The following TNRC18 variants were observed in gnomAD, a reference collection of about 807,000 sequenced individuals.
TNRC18 encodes the protein trinucleotide repeat-containing gene 18 protein.
TNRC18 carries 69 observed loss-of-function variants against 226.7 expected under a neutral mutation model. The observed-to-expected ratio is 0.30, with a 90% CI of 0.25 to 0.37. TNRC18 has a LOEUF of 0.37. TNRC18 is among the 10% of genes least tolerant of loss of function. The pLI, the probability that TNRC18 is intolerant of heterozygous loss-of-function variation, is 1.00. For synonymous variants in TNRC18, 2,449 were observed against 1,927.6 expected (o/e 1.27, Z -7.09); for missense variants, 4,754 against 4,256.6 (o/e 1.12, Z -3.25).
At chr7:5,335,364 C>G (rs1255024512) in intron 18 of TNRC18, among the ~76,000 whole-genome samples, 1 of 147,422 alleles carries the variant, frequency 6.8e-6, no homozygotes, top group Non-Finnish European at 1.5e-5. Flanking sequence ...AATCTCAACA[C>G]TTTGGGAGGC....
intron 2 of TNRC18, among the ~76,000 whole-genome samples, chr7:5,396,324 G>A (rs980736513): frequency 1.3e-5 from 2 of 152,118 alleles, no homozygotes; most frequent in Admixed American, 6.6e-5. Flanking sequence ...CTCCCGCCTG[G>A]GCAACAGAGT....
At chr7:5,321,014 C>A in intron 22 of TNRC18, 59 bp downstream of exon 22, 1 of 1,264,266 alleles carries the variant, frequency 7.9e-7, no homozygotes, top group South Asian at 1.4e-5. Flanking sequence ...CAGAGGCGGC[C>A]GGGACACGGG....
In TNRC18 at chr7:5,370,678, G is replaced by A. The variant is rs1461040487; in HGVS notation, c.3916C>T (p.Pro1306Ser). The part of the protein sequence containing the change: ...CDVPAGEGQC[P>S]SLEPQEAVPV... ...ACGGCCTCTTGGGGCTCCAGGCTCGGGCACTGTCCCTCCCCGGCGGGCACG... is the reference window on the plus strand; with the variant it reads ...ACGGCCTCTTGGGGCTCCAGGCTCGAGCACTGTCCCTCCCCGGCGGGCACG... The change falls in exon 11 of 30, where the codon CCG (proline) becomes TCG (serine). Residue 1306 changes from proline to serine, a missense_variant. Transcript: ENST00000430969. The A allele has an allele frequency of 1.2e-6, 2 of 1,612,502 alleles. No individual in the cohort carries two copies. The highest frequency in any genetic ancestry group is 4.5e-5 in the East Asian group (2 of 44,858).
chr7:5,410,884 A>AG (rs1335353334), intron 2 of TNRC18, among the ~76,000 whole-genome samples: 25 of 146,658 alleles, frequency 1.7e-4, no homozygotes, highest in Non-Finnish European at 2.7e-4. Context: ...AAAAAAAAAA[A>AG]GGGAAGAGAA....
chr7:5,355,277 CTT>C (rs10537428), intron 16 of TNRC18, among the ~76,000 whole-genome samples: 20,574 of 152,236 alleles, frequency 0.14, 1,792 homozygotes, highest in African/African-American at 0.24. Flanking sequence ...CTGACAGTCT[CTT>C]GTTAAATGAG....
intron 19 of TNRC18, among the ~76,000 whole-genome samples, chr7:5,330,791 A>C (rs1402498889): frequency 6.6e-6 from 1 of 152,128 alleles, no homozygotes; most frequent in Non-Finnish European, 1.5e-5. Context: ...CTCCTGCCTC[A>C]GCCTCCTGAG....
At position 5,357,054 on chromosome 7, in the gene TNRC18, G is replaced by T; in HGVS notation, c.5056C>A (p.Leu1686Met). ...CCTTCTCTGGAGGATTTCAGAGACA[G>T]GCCGAGGCCCTTGGCCAGCGCCTTC... ...NRKALAKGLG[L>M]SLKSSREGKH... is the part of the protein sequence containing the mutation. The change falls in exon 16 of 30, where the codon CTG (leucine) becomes ATG (methionine). Residue 1686 changes from leucine to methionine, a missense_variant. By Grantham distance (15) the Leu-to-Met change is conservative. Transcript: ENST00000430969. 1 of 1,552,244 alleles carries T rather than the reference G, an allele frequency of 6.4e-7. No homozygotes were observed. The highest frequency in any genetic ancestry group is 8.7e-7 in the Non-Finnish European group (1 of 1,147,120).
At position 5,409,060 on chromosome 7, in the gene TNRC18, T is replaced by C. The variant is rs116217882; in HGVS notation, c.187+12000A>G. 3.1e-3 allele frequency among the ~76,000 whole-genome samples: 476 copies of C among 152,208 alleles called. 6 individuals carry two copies. The highest frequency in any genetic ancestry group is 0.011 in the African/African-American group (440 of 41,530). On this transcript the variant is annotated intron_variant, in intron 2 of 29. Coordinates refer to ENST00000430969, the MANE Select transcript of TNRC18 (RefSeq NM_001080495.3). Reference sequence around the variant, plus strand: ...CCGCTGAATTCTTGCCTGTGAGATATACAAGGTCAACAAGGAAAGATCTTT... The same window carrying C: ...CCGCTGAATTCTTGCCTGTGAGATACACAAGGTCAACAAGGAAAGATCTTT...
intron 17 of TNRC18, among the ~76,000 whole-genome samples, chr7:5,348,654 G>GGGAGGGAGGGAGGGAGGCAGGAGCC: frequency 6.6e-6 from 1 of 152,002 alleles, no homozygotes; most frequent in Non-Finnish European, 1.5e-5. Flanking sequence ...AGTAGAGGGA[G>GGGAGGGAGGGAGGGAGGCAGGAGCC]GGAGGGAGGG....
At chr7:5,420,273 G>A (rs1782470629) in intron 2 of TNRC18, 10 of 410,098 alleles carry the variant, frequency 2.4e-5, no homozygotes, top group South Asian at 1.7e-4. Context: ...CTCGATGTGA[G>A]ACCCAGGGTT....
intron 2 of TNRC18, among the ~76,000 whole-genome samples, chr7:5,397,646 G>A (rs116476233): frequency 0.013 from 1,980 of 152,242 alleles, 46 homozygotes; most frequent in African/African-American, 0.045. Context: ...CCCTGGTCAC[G>A]TCAGGAGCCT....
chr7:5,358,942 A>G (rs1375021659), intron 15 of TNRC18, among the ~76,000 whole-genome samples: 3 of 152,242 alleles, frequency 2.0e-5, no homozygotes, highest in Admixed American at 6.5e-5. Context: ...AAATAAGAAG[A>G]ATCAAGGAGT....
intron 2 of TNRC18, among the ~76,000 whole-genome samples, chr7:5,403,866 G>C (rs1486751803): frequency 1.3e-5 from 2 of 151,526 alleles, no homozygotes; most frequent in Non-Finnish European, 2.9e-5. Context: ...AGTCAAACCA[G>C]AATTGTCACC....
Position 5,370,931 on chromosome 7 carries a change from G to C in TNRC18, c.3663C>G (p.Asp1221Glu), listed in dbSNP as rs774417190. ...QSCAEPSECP[D>E]FVEGPEPRVD... Reference sequence around the variant, plus strand: ...CCCGTGGTTCAGGCCCCTCCACAAAGTCTGGACACTCAGAGGGCTCTGCGC... The same window carrying C: ...CCCGTGGTTCAGGCCCCTCCACAAACTCTGGACACTCAGAGGGCTCTGCGC... The change falls in exon 11 of 30, where the codon GAC becomes GAG. Residue 1221 changes from aspartate to glutamate, a missense_variant. Transcript: ENST00000430969. The C allele has an allele frequency of 4.4e-6, 7 of 1,605,448 alleles. No individual in the cohort carries two copies. Among genetic ancestry groups the C allele is most frequent in the Admixed American group, 3.3e-5 (2 of 60,022 alleles).
At chr7:5,400,128 C>A (rs1464653371) in intron 2 of TNRC18, among the ~76,000 whole-genome samples, 1 of 152,080 alleles carries the variant, frequency 6.6e-6, no homozygotes, top group Non-Finnish European at 1.5e-5. Context: ...AATTCCTGGG[C>A]TCAAGCGATC....
At chr7:5,347,811 C>T (rs574432261) in intron 17 of TNRC18, among the ~76,000 whole-genome samples, 172 of 151,988 alleles carry the variant, frequency 1.1e-3, no homozygotes, top group African/African-American at 4.0e-3. Context: ...AAAAATTAAC[C>T]GGGTGCAGTG....
chr7:5,325,033 C>T (rs1211043350), intron 20 of TNRC18, 63 bp downstream of exon 20: 5 of 1,531,138 alleles, frequency 3.3e-6, no homozygotes, highest in Non-Finnish European at 4.4e-6. Context: ...GAGCCCCCTG[C>T]CCTGACCACA....
Position 5,359,496 on chromosome 7 carries a change from A to T in TNRC18, c.4735T>A (p.Ser1579Thr). 1 of 1,613,816 alleles carries T rather than the reference A, an allele frequency of 6.2e-7. No individual in the cohort carries two copies. The highest frequency in any genetic ancestry group is 8.5e-7 in the Non-Finnish European group (1 of 1,179,852). ...ATGAGGGCATCATGTTCCTCCTCAG[A>T]CCCCTTGTGTCTCTTTCTTATCCCT... is the stretch of plus-strand genomic sequence containing the variant. Reference protein sequence around the residue: ...GAGIRKRHKGSEEEHDALIGM... With the variant: ...GAGIRKRHKGTEEEHDALIGM... The change falls in exon 15 of 30, where the codon TCT becomes ACT. Residue 1579 changes from serine to threonine, a missense_variant. By Grantham distance (58) the Ser-to-Thr change is moderately conservative (BLOSUM62 1). Coordinates refer to ENST00000430969, the MANE Select transcript of TNRC18 (RefSeq NM_001080495.3).
intron 2 of TNRC18, among the ~76,000 whole-genome samples, chr7:5,408,167 C>CTAA (rs1645468907): frequency 6.6e-6 from 1 of 151,960 alleles, no homozygotes; most frequent in Non-Finnish European, 1.5e-5. Context: ...GGCGTGGTGG[C>CTAA]GCGCGCCTCT....
Sources: gnomAD v4.1 joint callset for allele counts (sites outside exome capture counted in the v4.1 genomes callset) on GRCh38, gnomAD v4.1.1 for gene constraint, MANE v1.5 for transcripts, NCBI Gene and HGNC (gene_info 2026-07-23, HGNC 2026-07-21) for gene names.